Variants in MACC1 observed in about 807,000 individuals in gnomAD.
MACC1 encodes metastasis-associated in colon cancer protein 1.
In MACC1, 79 loss-of-function variants were observed where a neutral mutation model predicts 70.7. The observed-to-expected ratio is 1.12, with a 90% CI of 0.93 to 1.35. The LOEUF is 1.35. Ranked by LOEUF, MACC1 falls within the 40% of genes most tolerant of loss-of-function variation. The pLI is 0.00. For missense variants in MACC1, 1,106 were observed against 978.1 expected, an observed-to-expected ratio of 1.13 and a Z score of -1.74; for synonymous variants, 361 against 347.2, an observed-to-expected ratio of 1.04 and a Z score of -0.44.
At chr7:20,215,986 G>T (rs1419867382) in intron 1 of MACC1, among the ~76,000 whole-genome samples, 1 of 152,060 alleles carries the variant, frequency 6.6e-6, no homozygotes, top group Non-Finnish European at 1.5e-5. Context: ...TAATAATTAT[G>T]ACTTCATAAT....
At chr7:20,189,242 T>G (rs6944238) in intron 1 of MACC1, among the ~76,000 whole-genome samples, 1,724 of 152,342 alleles carry the variant, frequency 0.011, 32 homozygotes, top group African/African-American at 0.04. Flanking sequence ...TTCATGTTAC[T>G]CACAAAATAC....
At position 20,140,674 on chromosome 7, in the gene MACC1, CA is replaced by C. The variant is rs543307854; in HGVS notation, c.*271del. ...CTAATACTTGTATTTGAAACATACA[CA>C]AAAATACATATTTGAGGATAAAACC... On this transcript the variant is annotated 3_prime_UTR_variant, in exon 7 of 7. Transcript: ENST00000400331. The C allele has an allele frequency of 3.0e-6, 1 of 332,790 alleles. No individual in the cohort carries two copies. The highest frequency in any genetic ancestry group is 2.1e-5 in the African/African-American group (1 of 47,406). The allele number at this position is 332,790 out of a possible 1,614,324, so 20.6% of individuals were successfully genotyped here.
rs1216865735 is a variant in MACC1 at position 20,141,074 on chromosome 7, G to A, written c.2431C>T (p.Gln811Ter). 6.2e-7 allele frequency: 1 copy of A among 1,613,792 alleles called. No individual in the cohort carries two copies. Among genetic ancestry groups the A allele is most frequent in the South Asian group, 1.1e-5 (1 of 91,066 alleles). The change falls in exon 7 of 7, where the codon CAG becomes TAG. Residue 811 changes from glutamine to a stop codon, truncating the protein, a stop_gained. Transcript: ENST00000400331. LOFTEE classifies it high-confidence loss of function. ...TTTTTCATTCTGTCCAAAGCTGACT[G>A]AAGGTCTTGTAACACATCTCTGTAG... is the stretch of plus-strand genomic sequence containing the variant. Reference protein sequence around the residue: ...NNYRDVLQDLQSALDRMKNPV... With the variant: ...NNYRDVLQDL
chr7:20,201,408 G>A (rs919662593), intron 1 of MACC1, among the ~76,000 whole-genome samples: 10 of 152,112 alleles, frequency 6.6e-5, no homozygotes, highest in Non-Finnish European at 1.5e-4. Context: ...AGCAGAACTC[G>A]TTCAGAAAGC....
At chr7:20,176,808 G>C (rs1583397830) in intron 1 of MACC1, among the ~76,000 whole-genome samples, 1 of 152,118 alleles carries the variant, frequency 6.6e-6, no homozygotes, top group African/African-American at 2.4e-5. Flanking sequence ...TATGCTGTGT[G>C]AAACAAGCCA....
intron 1 of MACC1, among the ~76,000 whole-genome samples, chr7:20,213,914 AAAAAT>A (rs1239307366): frequency 6.6e-5 from 10 of 152,200 alleles, no homozygotes; most frequent in African/African-American, 2.2e-4. Flanking sequence ...AATAAAAGTT[AAAAAT>A]AAAATAAATA....
At chr7:20,150,354 G>A (rs567942633) in intron 6 of MACC1, 1 of 152,132 alleles carries the variant, frequency 6.6e-6, no homozygotes, top group Admixed American at 6.5e-5. Flanking sequence ...TAAGTGGAAA[G>A]AATTCCATGT....
At chr7:20,180,219 CA>C (rs2128105756) in intron 1 of MACC1, among the ~76,000 whole-genome samples, 1 of 150,210 alleles carries the variant, frequency 6.7e-6, no homozygotes, top group Non-Finnish European at 1.5e-5. Context: ...CCGAGGCGGG[CA>C]GATCAAGAGG....
chr7:20,201,298 G>T (rs118079591), intron 1 of MACC1, among the ~76,000 whole-genome samples: 2 of 152,306 alleles, frequency 1.3e-5, no homozygotes, highest in Admixed American at 1.3e-4. Flanking sequence ...GAGCTATCTG[G>T]GTTCAAATGC....
rs746380341 is a variant in MACC1 at position 20,158,296 on chromosome 7, C to T, written c.2065G>A (p.Glu689Lys). ...ATAACATAAGAAACTTTCTCTGATT[C>T]TTTGTCTGCTTGAATTTGATCAAAA... ...EDFDQIQADK[E>K]SEKVSYVIKK... Residue 689 changes from glutamate (E) to lysine (K), a missense_variant, in exon 5 of 7, where the codon GAA becomes AAA. Physicochemically the swap from Glu to Lys is moderately conservative, Grantham distance 56 (BLOSUM62 1). Coordinates refer to ENST00000400331, the MANE Select transcript of MACC1 (RefSeq NM_182762.4). 28 of 1,613,222 alleles carry T rather than the reference C, an allele frequency of 1.7e-5. No homozygotes were observed. The highest frequency in any genetic ancestry group is 2.2e-5 in the Non-Finnish European group (26 of 1,179,910).
At chr7:20,160,311 T>C (rs1388406382) in intron 4 of MACC1, 66 bp from the exon 5 acceptor site, 1 of 1,465,662 alleles carries the variant, frequency 6.8e-7, no homozygotes, top group Non-Finnish European at 9.0e-7. Flanking sequence ...CAATCAAGAT[T>C]AATTTTTCCC....
Position 20,158,529 on chromosome 7 carries a change from C to CAGTGTACA in MACC1, c.1824_1831dup (p.Cys611LeufsTer9), listed in dbSNP as rs1231613450. On this transcript the variant is annotated frameshift_variant, in exon 5 of 7. Coordinates refer to ENST00000400331, the MANE Select transcript of MACC1 (RefSeq NM_182762.4). LOFTEE classifies it high-confidence loss of function. Reference sequence around the variant, plus strand: ...CTTTGAAATCACCTTGACATTTTTGCAGTGTACAAGTCCAATCTTACCTCT... The same window carrying CAGTGTACA: ...CTTTGAAATCACCTTGACATTTTTGCAGTGTACAAGTGTACAAGTCCAATCTTACCTCT... 1 of 1,613,988 alleles carries CAGTGTACA rather than the reference C, an allele frequency of 6.2e-7. No individual in the cohort carries two copies. The highest frequency in any genetic ancestry group is 1.3e-5 in the African/African-American group (1 of 74,924).
chr7:20,149,796 G>T (rs1317515639), intron 6 of MACC1, among the ~76,000 whole-genome samples: 1 of 152,060 alleles, frequency 6.6e-6, no homozygotes, highest in Non-Finnish European at 1.5e-5. Context: ...ATCCTTCAAA[G>T]CTAGCATGTC....
chr7:20,168,152 T>C (rs1005757764), intron 2 of MACC1, among the ~76,000 whole-genome samples: 2 of 152,086 alleles, frequency 1.3e-5, no homozygotes, highest in Admixed American at 1.3e-4. Flanking sequence ...TGCATGAACA[T>C]ACCCACAACA....
In MACC1 at chr7:20,191,076, C is replaced by G. The variant is rs569850221; in HGVS notation, c.-217-20298G>C. ...ACATTTTACTCATATCTGCAAAAGA[C>G]TAGCAGTAACATAGCACCTACTCTA... On this transcript the variant is annotated intron_variant, in intron 1 of 6. Transcript: ENST00000400331. Among the ~76,000 whole-genome samples the G allele has an allele frequency of 2.0e-5, 3 of 152,260 alleles. 1 individual carries two copies. In the South Asian group the frequency reaches 6.2e-4, roughly 32 times the overall value.
At chr7:20,192,388 C>T (rs1180309929) in intron 1 of MACC1, among the ~76,000 whole-genome samples, 4 of 152,118 alleles carry the variant, frequency 2.6e-5, no homozygotes, top group Non-Finnish European at 5.9e-5. Context: ...ATAGGAAAAC[C>T]GCTGTTCACA....
chr7:20,142,973 A>C (rs1781828642), intron 6 of MACC1, among the ~76,000 whole-genome samples: 1 of 152,258 alleles, frequency 6.6e-6, no homozygotes, highest in African/African-American at 2.4e-5. Flanking sequence ...CAGCAACTTA[A>C]AACATTTCTG....
chr7:20,205,738 G>A (rs1782901903), intron 1 of MACC1, among the ~76,000 whole-genome samples: 1 of 151,920 alleles, frequency 6.6e-6, no homozygotes, highest in Non-Finnish European at 1.5e-5. Context: ...ATCTCCTTGA[G>A]TCGTTCCATC....
At chr7:20,174,491 G>T (rs1264333076) in intron 1 of MACC1, among the ~76,000 whole-genome samples, 5 of 152,072 alleles carry the variant, frequency 3.3e-5, no homozygotes, top group Non-Finnish European at 5.9e-5. Context: ...AATGTTATGG[G>T]CAAAAGCAAG....
Sources: gnomAD v4.1 joint callset for allele counts (sites outside exome capture counted in the v4.1 genomes callset) on GRCh38, gnomAD v4.1.1 for gene constraint, MANE v1.5 for transcripts, NCBI Gene and HGNC (gene_info 2026-07-23, HGNC 2026-07-21) for gene names.